The following ZNF185 variants were observed in gnomAD, a reference collection of about 807,000 sequenced individuals.
ZNF185 encodes zinc finger protein 185.
ZNF185 carries 56 observed loss-of-function variants against 58.6 expected under a neutral mutation model. The ratio of observed to expected loss-of-function variants is 0.95; its 90% confidence interval spans 0.77 to 1.19. The LOEUF (loss-of-function observed/expected upper bound fraction) is 1.19. ZNF185 is among the 50% of genes most tolerant of loss of function. ZNF185 has a pLI of 0.00. For synonymous variants in ZNF185, 230 were observed against 215.9 expected, an observed-to-expected ratio of 1.07 and a Z score of -0.57; for missense variants, 627 against 573.5, an observed-to-expected ratio of 1.09 and a Z score of -0.95.
In ZNF185 at chrX:152,938,176, C is replaced by T. The variant is rs2046578037; in HGVS notation, c.1211+13C>T. 2 of 1,169,679 alleles carry T rather than the reference C, an allele frequency of 1.7e-6. No individual in the cohort carries two copies. Among genetic ancestry groups the T allele is most frequent in the Non-Finnish European group, 2.3e-6 (2 of 872,888 alleles). On this transcript the variant is annotated intron_variant, in intron 15 of 22. Coordinates refer to ENST00000449285, the Ensembl canonical transcript of ZNF185. ...CAGACCCAAAGGGGTAAGGCATGAG[C>T]AGACAGTGCTGAACTTCTGGGGTGG...
chrX:152,939,945 G>C (rs782078402), intron 15 of ZNF185, among the ~76,000 whole-genome samples: 1 of 110,342 alleles, frequency 9.1e-6, no homozygotes, highest in African/African-American at 3.3e-5. Context: ...ACCACGCCCA[G>C]CTAATTTTTA....
At chrX:152,922,287 C>T (rs1556870062) in intron 10 of ZNF185, 31 bp downstream of exon 11, 1 of 1,142,946 alleles carries the variant, frequency 8.7e-7, no homozygotes, top group East Asian at 3.3e-5. Context: ...CTGCCTGGGG[C>T]TGGTGGCTGC....
intron 2 of ZNF185, 26 bp downstream of exon 3, chrX:152,914,859 C>A (rs373245796): frequency 8.5e-7 from 1 of 1,171,019 alleles, no homozygotes; most frequent in African/African-American, 1.8e-5. Context: ...GGGGAGGGAC[C>A]GCAGCAACGT....
At position 152,954,352 on chromosome X, in the gene ZNF185, C is replaced by T. The variant is rs2048602937; in HGVS notation, c.1410-5347C>T. Reference sequence around the variant, plus strand: ...TACTTAACCAGGAGCAAGCAAAATTCAGGCCCTGTGGGGAGGACAGAAGCC... The same window carrying T: ...TACTTAACCAGGAGCAAGCAAAATTTAGGCCCTGTGGGGAGGACAGAAGCC... On this transcript the variant is annotated intron_variant, in intron 16 of 22. Transcript: ENST00000449285. Among the ~76,000 whole-genome samples the T allele has an allele frequency of 2.7e-5, 3 of 111,311 alleles. No homozygotes were observed. In the Admixed American group the frequency reaches 2.9e-4, roughly 11 times the overall value.
the ZNF185 span, among the ~76,000 whole-genome samples, chrX:152,901,266 G>A: frequency 9.8e-6 from 1 of 102,561 alleles, no homozygotes; most frequent in Non-Finnish European, 2.0e-5. Context: ...GTTAGAGCTG[G>A]GGTCTCGCCT....
intron 15 of ZNF185, among the ~76,000 whole-genome samples, chrX:152,943,789 TG>T (rs1260653723): frequency 4.4e-5 from 5 of 112,851 alleles, no homozygotes; most frequent in Non-Finnish European, 9.4e-5. Flanking sequence ...ACAGAGGACG[TG>T]GGACAGGACG....
At chrX:152,911,659 A>ATCCCATCCCATCCC (rs1937260665), upstream of ZNF185, among the ~76,000 whole-genome samples, 6 of 32,647 alleles carry the variant, frequency 1.8e-4, no homozygotes, top group Admixed American at 8.3e-4. Flanking sequence ...ATCCCATCCC[A>ATCCCATCCCATCCC]TCCCATCCCT....
At chrX:152,962,308 A>C (rs144209213) in intron 17 of ZNF185, among the ~76,000 whole-genome samples, 3,756 of 109,928 alleles carry the variant, frequency 0.034, 162 homozygotes, top group African/African-American at 0.12. Flanking sequence ...TTTTTTTAAG[A>C]GGCGGTGTTT....
intron 13 of ZNF185, 121 bp downstream of exon 14, chrX:152,931,897 C>T (rs930058172): frequency 2.0e-5 from 9 of 456,441 alleles, no homozygotes; most frequent in East Asian, 1.7e-4. Flanking sequence ...CCAGGAAGGT[C>T]CTGTTCCCAC....
At chrX:152,963,252 G>C (rs2049736608) in intron 17 of ZNF185, among the ~76,000 whole-genome samples, 2 of 113,164 alleles carry the variant, frequency 1.8e-5, no homozygotes, top group Admixed American at 1.9e-4. Flanking sequence ...GAGGAGGTTG[G>C]ATTCCAGGCC....
intron 15 of ZNF185, among the ~76,000 whole-genome samples, chrX:152,942,018 G>C (rs762729): frequency 0.27 from 30,354 of 111,269 alleles, 2,921 homozygotes; most frequent in South Asian, 0.39. Flanking sequence ...CCAGGGGGAG[G>C]GGGTGTGGAC....
chrX:152,948,637 T>A (rs2048008239), intron 16 of ZNF185, among the ~76,000 whole-genome samples: 1 of 111,749 alleles, frequency 8.9e-6, no homozygotes, highest in African/African-American at 3.3e-5. Context: ...TTCCCTTTGC[T>A]GATTTTGCTT....
At chrX:152,963,329 C>T (rs1569516331) in intron 17 of ZNF185, among the ~76,000 whole-genome samples, 1 of 113,002 alleles carries the variant, frequency 8.8e-6, no homozygotes, top group East Asian at 2.8e-4. Context: ...AGTTTCCCGC[C>T]TCTGCTGGGA....
chrX:152,966,221 G>A (rs2050100880), intron 19 of ZNF185, among the ~76,000 whole-genome samples: 1 of 110,261 alleles, frequency 9.1e-6, no homozygotes, highest in Non-Finnish European at 1.9e-5. Context: ...TGGCCAGGCT[G>A]GTCTCGAATT....
chrX:152,955,207 A>T (rs1315401264), intron 16 of ZNF185, among the ~76,000 whole-genome samples: 1 of 112,304 alleles, frequency 8.9e-6, no homozygotes, highest in Non-Finnish European at 1.9e-5. Flanking sequence ...TCAAATATAG[A>T]ACTATGGAGT....
the ZNF185 span, among the ~76,000 whole-genome samples, chrX:152,900,102 C>T: frequency 5.5e-4 from 62 of 112,453 alleles, no homozygotes; most frequent in African/African-American, 1.7e-3. Context: ...GGGCAGCCAG[C>T]GCCTCAGCTC....
chrX:152,898,794 T>A, the ZNF185 span, among the ~76,000 whole-genome samples: 1 of 112,429 alleles, frequency 8.9e-6, no homozygotes, highest in African/African-American at 3.2e-5. Flanking sequence ...TCACTGGGTG[T>A]TATCGACAGG....
upstream of ZNF185, among the ~76,000 whole-genome samples, chrX:152,911,111 G>A (rs1937111182): frequency 8.9e-6 from 1 of 111,836 alleles, no homozygotes; most frequent in Non-Finnish European, 1.9e-5. Context: ...GGATCTGCAG[G>A]TCTGTGCCTG....
At chrX:152,928,701 A>G (rs368585598) in intron 12 of ZNF185, 40 bp downstream of exon 13, 4 of 1,168,651 alleles carry the variant, frequency 3.4e-6, no homozygotes, top group Non-Finnish European at 4.6e-6. Flanking sequence ...CCTGGACACC[A>G]TTCTAGAGAT....
Sources: allele counts gnomAD v4.1 joint callset (sites outside exome capture counted in the v4.1 genomes callset), GRCh38; gene constraint gnomAD v4.1.1; transcripts MANE v1.5; gene names NCBI Gene and HGNC (gene_info 2026-07-23, HGNC 2026-07-21).